Variants in NAV3 observed in about 807,000 individuals in gnomAD.
The protein encoded by NAV3 is pore membrane and/or filament interacting like protein 1.
NAV3 carries 87 observed loss-of-function variants against 244.7 expected under a neutral mutation model. The observed-to-expected ratio is 0.36, with a 90% CI of 0.30 to 0.42. The LOEUF is 0.42. NAV3 is among the 20% of genes least tolerant of loss of function. The pLI is 1.00. For synonymous variants in NAV3, 1,126 were observed against 1,042.2 expected, an observed-to-expected ratio of 1.08 and a Z score of -1.55; for missense variants, 2,663 against 2,893.3, an observed-to-expected ratio of 0.92 and a Z score of 1.83.
chr12:77,575,934 G>A (rs11105719), intron 2 of NAV3, among the ~76,000 whole-genome samples: 25,176 of 152,056 alleles, frequency 0.17, 2,595 homozygotes, highest in Admixed American at 0.24. Context: ...TCCGTAAACC[G>A]GAAAGACATG....
chr12:78,026,568 A>G (rs1878093987), intron 9 of NAV3, among the ~76,000 whole-genome samples: 1 of 152,146 alleles, frequency 6.6e-6, no homozygotes, highest in Non-Finnish European at 1.5e-5. Flanking sequence ...ATATGAATCA[A>G]CTTTTTAGGA....
chr12:77,928,184 C>A (rs1340146926), intron 1 of NAV3, among the ~76,000 whole-genome samples: 3 of 140,400 alleles, frequency 2.1e-5, no homozygotes, highest in Non-Finnish European at 3.0e-5. Context: ...GACTGCGCCA[C>A]TGCACTCCAG....
chr12:77,821,288 A>G (rs1400997697), intron 2 of NAV3, among the ~76,000 whole-genome samples: 2 of 152,234 alleles, frequency 1.3e-5, no homozygotes, highest in Middle Eastern at 3.2e-3. Context: ...AACTGATTAC[A>G]GGCAGCAATT....
intron 1 of NAV3, among the ~76,000 whole-genome samples, chr12:77,903,946 T>C (rs1443722049): frequency 2.0e-5 from 3 of 152,090 alleles, no homozygotes; most frequent in Non-Finnish European, 4.4e-5. Flanking sequence ...CACAATGAGA[T>C]ACCATCTCAC....
intron 2 of NAV3, among the ~76,000 whole-genome samples, chr12:77,743,549 A>G (rs1471962375): frequency 6.6e-6 from 1 of 151,926 alleles, no homozygotes; most frequent in Non-Finnish European, 1.5e-5. Context: ...GAAAGAGCAT[A>G]AATGAATGTT....
chr12:77,756,916 T>C (rs1869210968), intron 2 of NAV3, among the ~76,000 whole-genome samples: 1 of 152,112 alleles, frequency 6.6e-6, no homozygotes, highest in South Asian at 2.1e-4. Flanking sequence ...AATCCCCCAA[T>C]CTCACCCATA....
intron 2 of NAV3, among the ~76,000 whole-genome samples, chr12:77,767,674 TG>T (rs1360418645): frequency 6.6e-6 from 1 of 152,266 alleles, no homozygotes. Context: ...GCTTCAGCTG[TG>T]GGCACCTGCC....
At chr12:78,197,815 A>G (rs747822362) in intron 35 of NAV3, among the ~76,000 whole-genome samples, 4 of 151,942 alleles carry the variant, frequency 2.6e-5, no homozygotes, top group Non-Finnish European at 5.9e-5. Flanking sequence ...CATGATGAAC[A>G]TTTGCGAAAC....
rs776523951 is a variant in NAV3 at position 78,190,060 on chromosome 12, C to T, written c.6132C>T (p.Asn2044=). Residue 2044 remains asparagine (N), a synonymous_variant, in exon 34 of 40, where the codon AAC becomes AAT. Transcript: ENST00000397909. ...AACCAATTACCCAAAGGTACTTTAA[C>T]TTGTTGATGGAGCATCACAGAATTA... ...IPKPITQRYF[N]LLMEHHRIIL... The T allele has an allele frequency of 6.2e-7, 1 of 1,613,174 alleles. No individual in the cohort carries two copies. Among genetic ancestry groups the T allele is most frequent in the South Asian group, 1.1e-5 (1 of 91,054 alleles).
rs2139649456 is a variant in NAV3 at position 78,175,368 on chromosome 12, C to T, written c.5044C>T (p.His1682Tyr). The change falls in exon 25 of 40, where the codon CAT becomes TAT. Residue 1682 changes from histidine to tyrosine, a missense_variant. This residue lies in a region of NAV3 where 193 missense variants were observed against 200.7 expected (regional missense o/e 0.96). Coordinates refer to ENST00000397909, the MANE Select transcript of NAV3 (RefSeq NM_001024383.2). The part of the protein sequence containing the change: ...SVSSINSATS[H>Y]SSIGSGNDAD... ...TTCTAGTATCAACAGTGCCACAAGC[C>T]ATTCCAGTATTGGCAGTGGTAATGA... 1 of 1,611,738 alleles carries T rather than the reference C, an allele frequency of 6.2e-7. No homozygotes were observed. Among genetic ancestry groups the T allele is most frequent in the East Asian group, 2.2e-5 (1 of 44,686 alleles).
At chr12:77,593,471 G>C (rs1007800398) in intron 2 of NAV3, among the ~76,000 whole-genome samples, 2 of 150,052 alleles carry the variant, frequency 1.3e-5, no homozygotes, top group African/African-American at 4.9e-5. Context: ...TTATTTTTTA[G>C]ACAGAGACTC....
chr12:78,206,304 A>C (rs986874468), intron 39 of NAV3, among the ~76,000 whole-genome samples: 2 of 152,174 alleles, frequency 1.3e-5, no homozygotes, highest in East Asian at 3.9e-4. Context: ...AGGAATCAAC[A>C]GTGCTGATGA....
At chr12:77,626,877 C>T (rs540856657) in intron 2 of NAV3, among the ~76,000 whole-genome samples, 1 of 152,138 alleles carries the variant, frequency 6.6e-6, no homozygotes, top group South Asian at 2.1e-4. Flanking sequence ...AAGTATAAAA[C>T]TCACTAGTAG....
chr12:78,183,095 T>G (rs1958567464), intron 30 of NAV3, among the ~76,000 whole-genome samples: 1 of 152,026 alleles, frequency 6.6e-6, no homozygotes, highest in Non-Finnish European at 1.5e-5. Flanking sequence ...ATAGCCAGAA[T>G]GGCAGACCTC....
intron 12 of NAV3, among the ~76,000 whole-genome samples, chr12:78,112,480 G>T (rs1295044100): frequency 2.0e-5 from 3 of 152,114 alleles, no homozygotes; most frequent in Non-Finnish European, 2.9e-5. Flanking sequence ...CCTAAGGAAA[G>T]TTATAATCAT....
rs1220242828 is a variant in NAV3, at chr12:78,112,820, T to G, written c.2637-3952T>G. 2.6e-5 allele frequency among the ~76,000 whole-genome samples: 4 copies of G among 152,110 alleles called. No individual in the cohort carries two copies. The East Asian group carries it at 7.7e-4, about 29-fold the overall frequency. On this transcript the variant is annotated intron_variant, in intron 12 of 39. Transcript: ENST00000397909. ...CAGTCCCCCCAAAGTCTTAACACATTTCAGTATTAACACAAAAGTCCAAGT... is the reference window on the plus strand; with the variant it reads ...CAGTCCCCCCAAAGTCTTAACACATGTCAGTATTAACACAAAAGTCCAAGT...
At chr12:77,998,282 T>A in intron 6 of NAV3, 55 bp from the exon 7 acceptor site, 1 of 1,352,602 alleles carries the variant, frequency 7.4e-7, no homozygotes, top group Non-Finnish European at 9.8e-7. Flanking sequence ...CACCTCCTGC[T>A]TCTTACCTTT....
At chr12:77,614,229 G>T (rs756801709) in intron 2 of NAV3, among the ~76,000 whole-genome samples, 2 of 151,612 alleles carry the variant, frequency 1.3e-5, no homozygotes, top group Non-Finnish European at 2.9e-5. Flanking sequence ...CAACCCTCCC[G>T]GTAGTGACAA....
At chr12:77,915,412 GC>G (rs1466261630) in intron 1 of NAV3, among the ~76,000 whole-genome samples, 1 of 151,832 alleles carries the variant, frequency 6.6e-6, no homozygotes, top group African/African-American at 2.4e-5. Context: ...TTCTTGTATA[GC>G]CCTCCAGAGA....
Sources: allele counts gnomAD v4.1 joint callset (sites outside exome capture counted in the v4.1 genomes callset), GRCh38; gene constraint gnomAD v4.1.1; regional missense constraint gnomAD v4.1.1; transcripts MANE v1.5; gene names NCBI Gene and HGNC (gene_info 2026-07-23, HGNC 2026-07-21).